PTPRU: variants seen among roughly 807,000 people sequenced by gnomAD.
PTPRU encodes the protein receptor-type tyrosine-protein phosphatase U.
Under a neutral mutation model 166.3 loss-of-function variants are expected in PTPRU, and 69 were observed. That is an observed-to-expected ratio of 0.41 (90% confidence interval 0.34 to 0.51). PTPRU has a LOEUF of 0.51. PTPRU is among the 20% of genes least tolerant of loss of function. PTPRU has a pLI of 0.09. For missense variants in PTPRU, 1,657 were observed against 2,013.7 expected (o/e 0.82, Z 3.39); for synonymous variants, 793 against 814.0 (o/e 0.97, Z 0.44).
intron 12 of PTPRU, 189 bp from the exon 13 acceptor site, chr1:29,283,751 C>T (rs1263201832): frequency 3.1e-6 from 2 of 651,544 alleles, no homozygotes; most frequent in Non-Finnish European, 5.5e-6. Context: ...TAAGGCACTG[C>T]AGGTGCCTCC....
intron 1 of PTPRU, among the ~76,000 whole-genome samples, chr1:29,242,430 C>G (rs557434883): frequency 6.6e-6 from 1 of 152,280 alleles, no homozygotes; most frequent in African/African-American, 2.4e-5. Flanking sequence ...AACGGTCAGC[C>G]TAGAGCTGTG....
At chr1:29,293,313 ATGTTAGCCACGC>A (rs1369947949) in intron 15 of PTPRU, among the ~76,000 whole-genome samples, 6 of 151,700 alleles carry the variant, frequency 4.0e-5, no homozygotes, top group Non-Finnish European at 5.9e-5. Context: ...GGGTTTCACC[ATGTTAGCCACGC>A]TGTTAGCCAC....
Position 29,238,349 on chromosome 1 carries a change from T to G in PTPRU, c.73+1632T>G, listed in dbSNP as rs945819687. Among the ~76,000 whole-genome samples, 1 of 151,946 alleles carries G rather than the reference T, an allele frequency of 6.6e-6. No homozygotes were observed. Among genetic ancestry groups the G allele is most frequent in the African/African-American group, 2.4e-5 (1 of 41,382 alleles). ...TTCCCGCGGAGTTTCGGGGCCCTGC[T>G]CCGGGTGACCTCCCCCGCCCTCGCC... On this transcript the variant is annotated intron_variant, in intron 1 of 29. Transcript: ENST00000373779. This position sits in a 1 kb window ranked among gnomAD's most constrained non-coding sequence, Gnocchi z 6.1.
At chr1:29,289,568 TC>T (rs1381035973) in intron 14 of PTPRU, 10 of 1,291,276 alleles carry the variant, frequency 7.7e-6, no homozygotes. Flanking sequence ...GCCAGCCCCC[TC>T]CCCAGCCCGG....
chr1:29,304,292 A>AC (rs1219316980), intron 16 of PTPRU, among the ~76,000 whole-genome samples: 1 of 152,108 alleles, frequency 6.6e-6, no homozygotes, highest in Non-Finnish European at 1.5e-5. Context: ...CTCTATGTGG[A>AC]CTGTGATCGG....
chr1:29,270,280 A>G (rs998709928), intron 7 of PTPRU, among the ~76,000 whole-genome samples: 1 of 152,008 alleles, frequency 6.6e-6, no homozygotes, highest in Non-Finnish European at 1.5e-5. Flanking sequence ...TTTGCTCTTT[A>G]AAGTAGGCAT....
intron 1 of PTPRU, 147 bp from the exon 2 acceptor site, chr1:29,255,128 G>C (rs1443937236): frequency 1.1e-6 from 1 of 951,088 alleles, no homozygotes; most frequent in African/African-American, 1.7e-5. Context: ...AATTTCACTA[G>C]AGGGAGGGAG....
chr1:29,245,918 G>A (rs1384054081), intron 1 of PTPRU, among the ~76,000 whole-genome samples: 4 of 152,210 alleles, frequency 2.6e-5, no homozygotes, highest in African/African-American at 9.6e-5. Context: ...TTGGGCACAT[G>A]GACTCTTTTG....
At chr1:29,249,548 C>A (rs929226275) in intron 1 of PTPRU, among the ~76,000 whole-genome samples, 1 of 152,210 alleles carries the variant, frequency 6.6e-6, no homozygotes, top group Non-Finnish European at 1.5e-5. Flanking sequence ...AGGCTGCATC[C>A]CCAGGCTTGG....
At chr1:29,240,490 A>G (rs1177219634) in intron 1 of PTPRU, among the ~76,000 whole-genome samples, 1 of 152,084 alleles carries the variant, frequency 6.6e-6, no homozygotes, top group African/African-American at 2.4e-5. Flanking sequence ...CTGAAGGTAG[A>G]GATTGAAGAA....
chr1:29,308,581 A>G (rs1019468045), intron 18 of PTPRU, among the ~76,000 whole-genome samples: 2 of 151,146 alleles, frequency 1.3e-5, no homozygotes, highest in Non-Finnish European at 2.9e-5. Flanking sequence ...AAAAAAAAAA[A>G]AAAAAGAGAG....
Position 29,260,000 on chromosome 1 carries a change from C to T in PTPRU, c.806C>T (p.Pro269Leu), listed in dbSNP as rs1235554961. The change falls in exon 6 of 30, where the codon CCG becomes CTG. Residue 269 changes from proline (P) to leucine (L), a missense_variant. Physicochemically the swap from Pro to Leu is moderately conservative, Grantham distance 98 (BLOSUM62 -3). This residue lies in a region of PTPRU where 453 missense variants were observed against 496.9 expected (regional missense o/e 0.91). Coordinates refer to ENST00000373779, the MANE Select transcript of PTPRU (RefSeq NM_133178.4). ...CTGTACCGCTGTGTGTCCCAGGCCCCGCGCGGCGCGGGCGTCTCTAACTTC... is the reference window on the plus strand; with the variant it reads ...CTGTACCGCTGTGTGTCCCAGGCCCTGCGCGGCGCGGGCGTCTCTAACTTC... ...QDLYRCVSQA[P>L]RGAGVSNFAE... is the part of the protein sequence containing the mutation. 1.0e-5 allele frequency: 15 copies of T among 1,498,946 alleles called. No individual in the cohort carries two copies. In the African/African-American group the frequency reaches 1.0e-4, roughly 10 times the overall value. 92.9% of individuals were successfully genotyped at this position (1,498,946 alleles called of 1,614,324 possible). A position where few individuals can be genotyped will look rare whatever the true frequency, so the allele number is the denominator to read the frequency against.
Position 29,257,527 on chromosome 1 carries a change from A to G in PTPRU, c.206-978A>G, listed in dbSNP as rs923618989. On this transcript the variant is annotated intron_variant, in intron 2 of 29. Transcript: ENST00000373779. The surrounding 1 kb of genome is among the most constrained non-coding windows in gnomAD (Gnocchi z 4.6). The stretch of plus-strand genomic sequence containing the variant: ...AAATCCCCCCGCCAGGTCCTGAGCC[A>G]GCCTAGTCCACTTCTACTCCACCAG... Among the ~76,000 whole-genome samples, 1 of 152,210 alleles carries G rather than the reference A, an allele frequency of 6.6e-6. No homozygotes were observed. The highest frequency in any genetic ancestry group is 2.4e-5 in the African/African-American group (1 of 41,446).
chr1:29,303,768 C>T (rs1687249875), intron 15 of PTPRU, 87 bp from the exon 16 acceptor site: 2 of 1,369,946 alleles, frequency 1.5e-6, no homozygotes, highest in Admixed American at 2.2e-5. Context: ...GGCTGTGCCT[C>T]CCCACCCCCA....
intron 12 of PTPRU, 87 bp from the exon 13 acceptor site, chr1:29,283,853 G>C (rs910625328): frequency 6.7e-7 from 1 of 1,499,268 alleles, no homozygotes; most frequent in South Asian, 1.1e-5. Flanking sequence ...CCCTGAACAG[G>C]CCCAAGAAAC....
At chr1:29,273,743 A>C (rs972353076) in intron 7 of PTPRU, among the ~76,000 whole-genome samples, 1 of 152,146 alleles carries the variant, frequency 6.6e-6, no homozygotes, top group African/African-American at 2.4e-5. Context: ...ATTCTGGTCC[A>C]TAGAGTCATC....
intron 18 of PTPRU, among the ~76,000 whole-genome samples, chr1:29,309,437 G>C (rs573734771): frequency 1.3e-5 from 2 of 152,202 alleles, no homozygotes; most frequent in South Asian, 2.1e-4. Flanking sequence ...CCAAGACTCA[G>C]ATTCTTCACC....
chr1:29,295,342 G>C (rs937963309), intron 15 of PTPRU, among the ~76,000 whole-genome samples: 3 of 152,116 alleles, frequency 2.0e-5, no homozygotes, highest in African/African-American at 7.2e-5. Flanking sequence ...ATCACGCTCG[G>C]CTAATTCTCT....
At chr1:29,270,975 G>GA (rs1264999100) in intron 7 of PTPRU, among the ~76,000 whole-genome samples, 1 of 151,808 alleles carries the variant, frequency 6.6e-6, no homozygotes, top group Non-Finnish European at 1.5e-5. Flanking sequence ...AACAAACAAA[G>GA]AAAAAAAAGA....
Sources: gnomAD v4.1 joint callset for allele counts (sites outside exome capture counted in the v4.1 genomes callset) on GRCh38, gnomAD v4.1.1 for gene constraint, gnomAD v4.1.1 regional missense constraint, Gnocchi (gnomAD v3.1) non-coding constraint, MANE v1.5 for transcripts, NCBI Gene and HGNC (gene_info 2026-07-23, HGNC 2026-07-21) for gene names.